SCHIP1: variants seen among roughly 807,000 people sequenced by gnomAD.
SCHIP1 encodes the protein schwannomin-interacting protein 1.
Under a neutral mutation model 29.7 loss-of-function variants are expected in SCHIP1, and 8 were observed. The ratio of observed to expected loss-of-function variants is 0.27; its 90% CI spans 0.16 to 0.49. The LOEUF (loss-of-function observed/expected upper bound fraction) is 0.49. SCHIP1 is among the 20% of genes least tolerant of loss of function. SCHIP1 has a pLI of 0.99. For missense variants in SCHIP1, 193 were observed against 294.6 expected (o/e 0.66, Z 2.52); for synonymous variants, 76 against 94.9 (o/e 0.80, Z 1.16).
chr3:159,777,266 T>C, the SCHIP1 span, among the ~76,000 whole-genome samples: 1 of 152,216 alleles, frequency 6.6e-6, no homozygotes, highest in East Asian at 1.9e-4. Context: ...GCTAAATGTC[T>C]TACCTGAAAT....
the SCHIP1 span, among the ~76,000 whole-genome samples, chr3:159,656,000 G>T: frequency 6.6e-6 from 1 of 152,182 alleles, no homozygotes; most frequent in Non-Finnish European, 1.5e-5. Flanking sequence ...GGAAAGATGG[G>T]GTAACAGTAT....
At chr3:159,828,472 C>CGTATATAT in the SCHIP1 span, among the ~76,000 whole-genome samples, 5 of 115,942 alleles carry the variant, frequency 4.3e-5, no homozygotes, top group Non-Finnish European at 7.2e-5. Flanking sequence ...TGTATATATA[C>CGTATATAT]ACACACATAC....
the SCHIP1 span, chr3:159,387,584 A>G: frequency 6.5e-6 from 1 of 154,928 alleles, no homozygotes; most frequent in African/African-American, 2.4e-5. Context: ...TATCCAATAC[A>G]TCAAGAATTG....
the SCHIP1 span, among the ~76,000 whole-genome samples, chr3:159,425,020 T>C: frequency 0.17 from 25,147 of 150,520 alleles, 2,391 homozygotes; most frequent in South Asian, 0.36. Flanking sequence ...CAGGCCTGCC[T>C]TAAAAGAGCT....
chr3:159,554,342 G>A, the SCHIP1 span, among the ~76,000 whole-genome samples: 1 of 152,048 alleles, frequency 6.6e-6, no homozygotes, highest in African/African-American at 2.4e-5. Flanking sequence ...TATATAAACT[G>A]GGGCTTTAAG....
chr3:159,425,587 A>T, the SCHIP1 span, among the ~76,000 whole-genome samples: 1 of 152,170 alleles, frequency 6.6e-6, no homozygotes, highest in African/African-American at 2.4e-5. Context: ...CCACACATTA[A>T]TAATGGGAGA....
intron 2 of SCHIP1, among the ~76,000 whole-genome samples, chr3:159,868,004 A>ATATATATATATATAAATCAATGATT (rs1560089706): frequency 5.5e-5 from 8 of 145,214 alleles, no homozygotes; most frequent in Non-Finnish European, 7.5e-5. Context: ...TCAATGATTT[A>ATATATATATATATAAATCAATGATT]TATATATATA....
the SCHIP1 span, among the ~76,000 whole-genome samples, chr3:159,436,633 A>G: frequency 6.6e-6 from 1 of 152,172 alleles, no homozygotes; most frequent in Non-Finnish European, 1.5e-5. Flanking sequence ...TGGAGGGTAG[A>G]GTCTATTTAG....
chr3:159,874,506 G>GGGGCACCCTTT (rs1438944871), intron 2 of SCHIP1, among the ~76,000 whole-genome samples: 6 of 152,190 alleles, frequency 3.9e-5, no homozygotes, highest in Non-Finnish European at 5.9e-5. Context: ...CAAGGAGTGG[G>GGGGCACCCTTT]GGGCACCCTA....
the SCHIP1 span, among the ~76,000 whole-genome samples, chr3:159,678,717 T>C: frequency 2.6e-5 from 4 of 152,174 alleles, no homozygotes; most frequent in African/African-American, 9.7e-5. Context: ...CCTGAGTAAT[T>C]TATAAAGGAA....
At chr3:159,815,368 T>C in the SCHIP1 span, among the ~76,000 whole-genome samples, 1 of 152,196 alleles carries the variant, frequency 6.6e-6, no homozygotes, top group East Asian at 1.9e-4. Flanking sequence ...AATGTTACTC[T>C]CTCAAGCTTT....
chr3:159,598,047 A>G, the SCHIP1 span, among the ~76,000 whole-genome samples: 3 of 152,150 alleles, frequency 2.0e-5, no homozygotes, highest in Admixed American at 6.6e-5. Flanking sequence ...CTCACTCACT[A>G]TCACAAGAAC....
chr3:159,381,816 G>A, the SCHIP1 span, among the ~76,000 whole-genome samples: 38 of 152,054 alleles, frequency 2.5e-4, no homozygotes, highest in African/African-American at 8.4e-4. Context: ...GGCTGGTCTC[G>A]AACTCTTGGT....
chr3:159,281,426 A>G, the SCHIP1 span, among the ~76,000 whole-genome samples: 1 of 152,358 alleles, frequency 6.6e-6, no homozygotes, highest in East Asian at 1.9e-4. Flanking sequence ...ATGCACATAT[A>G]TTTAAAAAAT....
the SCHIP1 span, among the ~76,000 whole-genome samples, chr3:159,426,800 A>T: frequency 6.6e-6 from 1 of 152,194 alleles, no homozygotes; most frequent in East Asian, 1.9e-4. Context: ...ATACTGGCAA[A>T]CTGAATCCAG....
chr3:159,733,101 A>AT, the SCHIP1 span, among the ~76,000 whole-genome samples: 3,691 of 152,174 alleles, frequency 0.024, 75 homozygotes, highest in African/African-American at 0.052. Context: ...CTAAGCTCAG[A>AT]TTTTCTGTGT....
chr3:159,538,802 A>C, the SCHIP1 span, among the ~76,000 whole-genome samples: 1 of 152,042 alleles, frequency 6.6e-6, no homozygotes, highest in Admixed American at 6.6e-5. Context: ...AAAAGTCAAC[A>C]TTATGTTTGC....
chr3:159,451,766 A>G, the SCHIP1 span, among the ~76,000 whole-genome samples: 1 of 152,304 alleles, frequency 6.6e-6, no homozygotes, highest in Non-Finnish European at 1.5e-5. Context: ...GTAGAGACTC[A>G]TTCTGCTTTA....
At chr3:159,626,189 TAG>T in the SCHIP1 span, among the ~76,000 whole-genome samples, 93 of 117,556 alleles carry the variant, frequency 7.9e-4, 2 homozygotes, top group African/African-American at 3.9e-3. Context: ...TCTAGATAGA[TAG>T]ATAGATAGAT....
Sources: gnomAD v4.1 joint callset for allele counts (sites outside exome capture counted in the v4.1 genomes callset) on GRCh38, gnomAD v4.1.1 for gene constraint, MANE v1.5 for transcripts, NCBI Gene and HGNC (gene_info 2026-07-23, HGNC 2026-07-21) for gene names.